EPB41L1: variants seen among roughly 807,000 people sequenced by gnomAD.
EPB41L1 encodes the protein band 4.1-like protein 1.
In EPB41L1, 29 loss-of-function variants were observed where a neutral mutation model predicts 97.8. That is an observed-to-expected ratio of 0.30 (90% CI 0.22 to 0.40). The LOEUF is 0.40. Among genes scored for constraint, EPB41L1 ranks in the 10% least tolerant of loss-of-function variants. The pLI is 1.00. For synonymous variants in EPB41L1, 383 were observed against 459.2 expected, an observed-to-expected ratio of 0.83 and a Z score of 2.12; for missense variants, 812 against 1,162.3, an observed-to-expected ratio of 0.70 and a Z score of 4.38.
At position 36,173,846 on chromosome 20, in the gene EPB41L1, G is replaced by T. The variant is rs369402278; in HGVS notation, c.69G>T (p.Glu23Asp). The T allele has an allele frequency of 6.8e-6, 11 of 1,613,234 alleles. No homozygotes were observed. Among genetic ancestry groups the T allele is most frequent in the Non-Finnish European group, 9.3e-6 (11 of 1,179,564 alleles). The change falls in exon 2 of 22, where the codon GAG (glutamate) becomes GAT (aspartate). Residue 23 changes from glutamate to aspartate, a missense_variant. Physicochemically the swap from Glu to Asp is conservative, Grantham distance 45. Coordinates refer to ENST00000338074, the MANE Select transcript of EPB41L1 (RefSeq NM_012156.2). ...AGGAGGAGGCCCCGCAGCAGCCCGA[G>T]GCTGCTGCCGCTGTGACCACCCCTG... The part of the protein sequence containing the change: ...KAQEEAPQQP[E>D]AAAAVTTPVT...
chr20:36,181,802 A>G (rs1054553974), intron 5 of EPB41L1, among the ~76,000 whole-genome samples: 2 of 152,078 alleles, frequency 1.3e-5, no homozygotes, highest in South Asian at 2.1e-4. Flanking sequence ...CTTTTTTCTT[A>G]TCATTAACAT....
chr20:36,193,689 G>A (rs1209172146), intron 11 of EPB41L1, among the ~76,000 whole-genome samples: 2 of 152,180 alleles, frequency 1.3e-5, no homozygotes, highest in Admixed American at 6.5e-5. Flanking sequence ...TAGGACTTTA[G>A]CTTTCACTAG....
chr20:36,169,041 G>T (rs1223964106), intron 1 of EPB41L1, among the ~76,000 whole-genome samples: 1 of 151,316 alleles, frequency 6.6e-6, no homozygotes, highest in Non-Finnish European at 1.5e-5. Flanking sequence ...ACCTGGCCAA[G>T]ATGGTGAAAC....
At chr20:36,094,965 C>A (rs371672242) in intron 1 of EPB41L1, among the ~76,000 whole-genome samples, 4 of 151,746 alleles carry the variant, frequency 2.6e-5, no homozygotes, top group Admixed American at 6.6e-5. Context: ...CCACGCCCAG[C>A]TAATTTTTTT....
At chr20:36,094,782 C>T (rs2057775313) in intron 1 of EPB41L1, among the ~76,000 whole-genome samples, 1 of 152,034 alleles carries the variant, frequency 6.6e-6, no homozygotes, top group Non-Finnish European at 1.5e-5. Context: ...GAAAAGCTGG[C>T]CTGGAGTTCA....
upstream of EPB41L1, among the ~76,000 whole-genome samples, chr20:36,150,070 G>GTT (rs112537871): frequency 2.1e-3 from 295 of 141,558 alleles, 4 homozygotes; most frequent in African/African-American, 7.1e-3. Flanking sequence ...AGGTTTTTTT[G>GTT]TTTTTTTTTT....
At chr20:36,218,556 G>A (rs1016040440) in intron 17 of EPB41L1, among the ~76,000 whole-genome samples, 2 of 152,208 alleles carry the variant, frequency 1.3e-5, no homozygotes, top group Non-Finnish European at 2.9e-5. Flanking sequence ...TGGCAGGGCA[G>A]GACACGAGCC....
rs1300139894 is a variant in EPB41L1 at position 36,092,834 on chromosome 20, C to T, written c.-65+1222C>T. 2 of 152,430 alleles carry T rather than the reference C, an allele frequency of 1.3e-5. No homozygotes were observed. The highest frequency in any genetic ancestry group is 2.9e-5 in the Non-Finnish European group (2 of 68,028). 9.4% of individuals were successfully genotyped at this position (152,430 alleles called of 1,614,324 possible). A position where few individuals can be genotyped will look rare whatever the true frequency, so the allele number is the denominator to read the frequency against. ...GCCAGGTTAGCCGCACCCGCCGTCCCCCTCCGCGTCCCGGGGACCCCGCCG... is the reference window on the plus strand; with the variant it reads ...GCCAGGTTAGCCGCACCCGCCGTCCTCCTCCGCGTCCCGGGGACCCCGCCG... On this transcript the variant is annotated intron_variant, in intron 1 of 19. Transcript: ENST00000202028. The surrounding 1 kb of genome is among the most constrained non-coding windows in gnomAD (Gnocchi z 7.0).
In EPB41L1 at chr20:36,184,236, A is replaced by G. The variant is rs146535344; in HGVS notation, c.567-881A>G. ...GGTGACAGAGTGAGACTCCATCTCA[A>G]AAAAAGAAAAAAAGAAAAAGAAATA... On this transcript the variant is annotated intron_variant, in intron 6 of 21. Coordinates refer to ENST00000338074, the MANE Select transcript of EPB41L1 (RefSeq NM_012156.2). Among the ~76,000 whole-genome samples, 6 of 152,298 alleles carry G rather than the reference A, an allele frequency of 3.9e-5. No individual in the cohort carries two copies. In the East Asian group the frequency reaches 1.2e-3, roughly 29 times the overall value.
intron 1 of EPB41L1, among the ~76,000 whole-genome samples, chr20:36,163,039 T>A (rs935304555): frequency 6.6e-6 from 1 of 152,096 alleles, no homozygotes; most frequent in African/African-American, 2.4e-5. Flanking sequence ...GGGAAGTGAG[T>A]GTTCCATACT....
intron 2 of EPB41L1, among the ~76,000 whole-genome samples, chr20:36,141,007 G>C (rs1023482215): frequency 1.3e-5 from 2 of 152,244 alleles, no homozygotes; most frequent in Admixed American, 1.3e-4. Flanking sequence ...TGTGGCCCCA[G>C]ATGGGGTTTT....
intron 2 of EPB41L1, among the ~76,000 whole-genome samples, chr20:36,130,244 GT>G (rs113296137): frequency 6.6e-4 from 71 of 107,476 alleles, no homozygotes; most frequent in Admixed American, 4.5e-3. Flanking sequence ...GCCCAGCAGT[GT>G]TTTTTTTTTT....
upstream of EPB41L1, chr20:36,154,663 G>C (rs2060209144): frequency 3.1e-6 from 3 of 974,694 alleles, no homozygotes; most frequent in Admixed American, 1.3e-4. The surrounding 1 kb of genome is among the most constrained non-coding windows in gnomAD (Gnocchi z 5.5). Context: ...CGCGCGTCGG[G>C]CGCCAGGCCC....
chr20:36,154,170 G>C (rs560937078), upstream of EPB41L1, among the ~76,000 whole-genome samples: 2 of 152,162 alleles, frequency 1.3e-5, no homozygotes, highest in Non-Finnish European at 2.9e-5. This position sits in a 1 kb window ranked among gnomAD's most constrained non-coding sequence, Gnocchi z 5.5. Context: ...CCTCCCGGTG[G>C]GGGAGGACGC....
chr20:36,212,156 G>C lies in EPB41L1; in HGVS notation c.2080-116G>C, dbSNP rs576665677. 3 of 960,174 alleles carry C rather than the reference G, an allele frequency of 3.1e-6. No individual in the cohort carries two copies. Among genetic ancestry groups the C allele is most frequent in the African/African-American group, 3.2e-5 (2 of 62,550 alleles). The allele number at this position is 960,174 out of a possible 1,614,324, so 59.5% of individuals were successfully genotyped here. A position where few individuals can be genotyped will look rare whatever the true frequency, so the allele number is the denominator to read the frequency against. ...ACCCTGTCCAGAGTACCCTTCCAGA[G>C]ATGTGGCCAGCTGTGGGGATAGGAG... On this transcript the variant is annotated intron_variant, in intron 15 of 21. Coordinates refer to ENST00000338074, the MANE Select transcript of EPB41L1 (RefSeq NM_012156.2). This position sits in a 1 kb window ranked among gnomAD's most constrained non-coding sequence, Gnocchi z 4.8.
chr20:36,218,002 G>GCGCCT (rs2063543282), intron 17 of EPB41L1, among the ~76,000 whole-genome samples: 1 of 152,160 alleles, frequency 6.6e-6, no homozygotes, highest in East Asian at 1.9e-4. Flanking sequence ...CAGGCAGCTG[G>GCGCCT]GCCCTGGCGC....
intron 18 of EPB41L1, 23 bp from the exon 19 acceptor site, chr20:36,219,738 T>TG (rs1569365703): frequency 2.5e-6 from 4 of 1,607,680 alleles, no homozygotes; most frequent in Non-Finnish European, 3.4e-6. Flanking sequence ...ACACCCTGGG[T>TG]GGGGGGTGGT....
At position 36,195,476 on chromosome 20, in the gene EPB41L1, C is replaced by A. The variant is rs2062152682; in HGVS notation, c.1485+112C>A. 3.2e-6 allele frequency: 4 copies of A among 1,267,088 alleles called. No individual in the cohort carries two copies. Among genetic ancestry groups the A allele is most frequent in the Non-Finnish European group, 4.6e-6 (4 of 876,740 alleles). The allele number at this position is 1,267,088 out of a possible 1,614,324, so 78.5% of individuals were successfully genotyped here. The stretch of plus-strand genomic sequence containing the variant: ...TTCCCTGGCACCATCTCAGCTTCAA[C>A]TTCATCTCTGCTCCCCAGCCATCCC... On this transcript the variant is annotated intron_variant, in intron 13 of 21. Coordinates refer to ENST00000338074, the MANE Select transcript of EPB41L1 (RefSeq NM_012156.2). This position sits in a 1 kb window ranked among gnomAD's most constrained non-coding sequence, Gnocchi z 4.6.
At chr20:36,105,230 G>A (rs1328831397) in intron 1 of EPB41L1, among the ~76,000 whole-genome samples, 1 of 152,158 alleles carries the variant, frequency 6.6e-6, no homozygotes, top group African/African-American at 2.4e-5. Flanking sequence ...GCCCTGGACT[G>A]TAGTGGTATC....
Sources: allele counts gnomAD v4.1 joint callset (sites outside exome capture counted in the v4.1 genomes callset), GRCh38; gene constraint gnomAD v4.1.1; non-coding constraint Gnocchi (gnomAD v3.1); transcripts MANE v1.5; gene names NCBI Gene and HGNC (gene_info 2026-07-23, HGNC 2026-07-21).